B3GALT1: variants seen among roughly 807,000 people sequenced by gnomAD.
The protein encoded by B3GALT1 is beta-1,3-galactosyltransferase 1.
In B3GALT1, 10 loss-of-function variants were observed where a neutral mutation model predicts 23.2. That is an observed-to-expected ratio of 0.43 (90% confidence interval 0.27 to 0.73). B3GALT1 has a LOEUF of 0.73. Among genes scored for constraint, B3GALT1 ranks in the 30% least tolerant of loss-of-function variants. B3GALT1 has a pLI of 0.21. For missense variants in B3GALT1, 299 were observed against 405.4 expected, an observed-to-expected ratio of 0.74 and a Z score of 2.25; for synonymous variants, 156 against 141.5, an observed-to-expected ratio of 1.10 and a Z score of -0.73.
At chr2:167,349,963 A>G (rs1367822907) in intron 1 of B3GALT1, among the ~76,000 whole-genome samples, 6 of 152,222 alleles carry the variant, frequency 3.9e-5, no homozygotes, top group Non-Finnish European at 8.8e-5. Context: ...TAAACGGAAT[A>G]CAAAAATGGA....
At chr2:167,645,919 A>G (rs985227098) in intron 2 of B3GALT1, among the ~76,000 whole-genome samples, 6 of 152,044 alleles carry the variant, frequency 3.9e-5, no homozygotes, top group Non-Finnish European at 8.8e-5. Flanking sequence ...CGGTGTTTGT[A>G]AAATGTCTGT....
chr2:167,806,473 T>C (rs1311475929), intron 3 of B3GALT1, among the ~76,000 whole-genome samples: 1 of 152,168 alleles, frequency 6.6e-6, no homozygotes, highest in African/African-American at 2.4e-5. Context: ...ATAGCTCTTA[T>C]TATTTTGAGA....
chr2:167,541,523 T>G (rs1683533730), intron 2 of B3GALT1, among the ~76,000 whole-genome samples: 1 of 152,150 alleles, frequency 6.6e-6, no homozygotes, highest in Non-Finnish European at 1.5e-5. Flanking sequence ...TAATTCAGAT[T>G]TTTATAAAGT....
intron 3 of B3GALT1, among the ~76,000 whole-genome samples, chr2:167,759,484 A>G (rs1015581708): frequency 5.9e-5 from 9 of 152,226 alleles, no homozygotes; most frequent in African/African-American, 2.2e-4. Flanking sequence ...GAGCACAGAG[A>G]GATCTTACTG....
intron 1 of B3GALT1, among the ~76,000 whole-genome samples, chr2:167,368,429 C>A (rs1295423214): frequency 6.6e-6 from 1 of 152,158 alleles, no homozygotes; most frequent in East Asian, 1.9e-4. Context: ...CCATTGCCTC[C>A]AACTCATGGT....
In B3GALT1 at chr2:167,544,537, C is replaced by A. The variant is rs539414229; in HGVS notation, c.-410+54260C>A. Among the ~76,000 whole-genome samples, 7 of 152,136 alleles carry A rather than the reference C, an allele frequency of 4.6e-5. No homozygotes were observed. In the South Asian group the frequency reaches 1.5e-3, roughly 32 times the overall value. On this transcript the variant is annotated intron_variant, in intron 2 of 4. Transcript: ENST00000392690. ...GTCTCAAACTCCTGACCTCAAGTGACCCACCCACCTCGGCCTCCCAAAGTG... is the reference window on the plus strand; with the variant it reads ...GTCTCAAACTCCTGACCTCAAGTGAACCACCCACCTCGGCCTCCCAAAGTG...
At chr2:167,612,014 C>T (rs769210228) in intron 2 of B3GALT1, among the ~76,000 whole-genome samples, 7 of 151,938 alleles carry the variant, frequency 4.6e-5, no homozygotes, top group Non-Finnish European at 1.0e-4. Flanking sequence ...TAGTTCCTAA[C>T]GTTACTGGCA....
chr2:167,784,849 A>G (rs1688314710), intron 3 of B3GALT1, among the ~76,000 whole-genome samples: 1 of 152,266 alleles, frequency 6.6e-6, no homozygotes, highest in African/African-American at 2.4e-5. Context: ...CCCCAGTCTC[A>G]TACAATTAGT....
intron 3 of B3GALT1, among the ~76,000 whole-genome samples, chr2:167,722,578 G>A (rs960907160): frequency 2.0e-5 from 3 of 152,098 alleles, no homozygotes; most frequent in African/African-American, 4.8e-5. Context: ...TGACTCCTGC[G>A]TATCCTTAAT....
At chr2:167,470,695 T>A (rs1699409433) in intron 1 of B3GALT1, among the ~76,000 whole-genome samples, 1 of 152,170 alleles carries the variant, frequency 6.6e-6, no homozygotes. Flanking sequence ...ATGCTCATGA[T>A]CCATTCACTC....
At chr2:167,601,822 CCTTCA>C (rs1684883274) in intron 2 of B3GALT1, among the ~76,000 whole-genome samples, 2 of 152,126 alleles carry the variant, frequency 1.3e-5, no homozygotes, top group African/African-American at 4.8e-5. Flanking sequence ...TTGTGTCAAC[CCTTCA>C]CTTCAACATA....
intron 3 of B3GALT1, among the ~76,000 whole-genome samples, chr2:167,786,512 T>A (rs760727239): frequency 5.3e-5 from 8 of 152,212 alleles, no homozygotes; most frequent in Non-Finnish European, 1.0e-4. Flanking sequence ...TTGGTCTTCT[T>A]TCTATGCTAT....
chr2:167,595,208 T>C (rs1212984021), intron 2 of B3GALT1, among the ~76,000 whole-genome samples: 2 of 151,950 alleles, frequency 1.3e-5, no homozygotes, highest in East Asian at 3.9e-4. Flanking sequence ...AGAGCAGTCA[T>C]GAAGGAAATG....
intron 1 of B3GALT1, among the ~76,000 whole-genome samples, chr2:167,357,907 A>G (rs764167985): frequency 1.7e-4 from 26 of 152,218 alleles, no homozygotes; most frequent in Non-Finnish European, 3.1e-4. Context: ...GCATTTGCAG[A>G]AATCATAGGA....
At chr2:167,341,169 A>T (rs1697140830) in intron 1 of B3GALT1, among the ~76,000 whole-genome samples, 1 of 152,190 alleles carries the variant, frequency 6.6e-6, no homozygotes, top group Non-Finnish European at 1.5e-5. Flanking sequence ...AGAAAAGATG[A>T]TTTAGACTAT....
intron 1 of B3GALT1, among the ~76,000 whole-genome samples, chr2:167,401,795 G>A (rs1698196118): frequency 6.6e-6 from 1 of 152,182 alleles, no homozygotes; most frequent in African/African-American, 2.4e-5. Flanking sequence ...GTGAAGGGAA[G>A]AGTCACATTT....
chr2:167,769,279 A>G (rs1688031113), intron 3 of B3GALT1, among the ~76,000 whole-genome samples: 1 of 152,178 alleles, frequency 6.6e-6, no homozygotes, highest in Non-Finnish European at 1.5e-5. Flanking sequence ...TGCAAGAAAT[A>G]TGACTAAAGC....
intron 1 of B3GALT1, among the ~76,000 whole-genome samples, chr2:167,329,494 CT>C (rs1696941369): frequency 6.6e-6 from 1 of 152,082 alleles, no homozygotes; most frequent in African/African-American, 2.4e-5. Flanking sequence ...CTGTAAATGT[CT>C]GTTAGTTCTG....
chr2:167,377,365 G>A (rs146962526), intron 1 of B3GALT1, among the ~76,000 whole-genome samples: 1 of 152,198 alleles, frequency 6.6e-6, no homozygotes, highest in Non-Finnish European at 1.5e-5. Context: ...GTCAGGTGTT[G>A]AGTTTAAGTC....
Sources: allele counts gnomAD v4.1 joint callset (sites outside exome capture counted in the v4.1 genomes callset), GRCh38; gene constraint gnomAD v4.1.1; transcripts MANE v1.5; gene names NCBI Gene and HGNC (gene_info 2026-07-23, HGNC 2026-07-21).